KCNJ3: variants seen among roughly 807,000 people sequenced by gnomAD.
KCNJ3 encodes potassium inwardly rectifying channel subfamily J member 3, also known as G protein-activated inward rectifier potassium channel 1.
A neutral mutation model predicts 39.2 loss-of-function variants in KCNJ3; 4 were observed. The ratio of observed to expected loss-of-function variants is 0.10; its 90% CI spans 0.05 to 0.23. The LOEUF is 0.23. KCNJ3 is among the 10% of genes least tolerant of loss of function. The probability of loss-of-function intolerance (pLI) is 1.00; values close to 1 mark genes in which losing one functional copy is unlikely to be tolerated. For synonymous variants in KCNJ3, 230 were observed against 237.4 expected (o/e 0.97, Z 0.29); for missense variants, 276 against 634.9 (o/e 0.43, Z 6.08).
At chr2:154,793,612 T>G (rs2591155) in intron 2 of KCNJ3, among the ~76,000 whole-genome samples, 21,955 of 152,072 alleles carry the variant, frequency 0.14, 1,759 homozygotes, top group East Asian at 0.33. Flanking sequence ...AAGTGTTGTC[T>G]AAAGCTGTAT....
intron 2 of KCNJ3, among the ~76,000 whole-genome samples, chr2:154,804,161 C>T (rs559520480): frequency 3.2e-4 from 48 of 152,054 alleles, no homozygotes; most frequent in African/African-American, 9.9e-4. Flanking sequence ...TCTGTTTCAA[C>T]GAGTAGTCTT....
chr2:154,709,670 C>T lies in KCNJ3; in HGVS notation c.770C>T (p.Thr257Ile), dbSNP rs1415310861. The change falls in exon 2 of 3, where the codon ACA (threonine) becomes ATA (isoleucine). Residue 257 changes from threonine (T) to isoleucine (I), a missense_variant. Transcript: ENST00000295101. Reference sequence around the variant, plus strand: ...CTTGAACTGGATGTAGGTTTTAGTACAGGGGCAGATCAACTTTTTCTTGTG... The same window carrying T: ...CTTGAACTGGATGTAGGTTTTAGTATAGGGGCAGATCAACTTTTTCTTGTG... ...DQLELDVGFS[T>I]GADQLFLVSP... 6.2e-7 allele frequency: 1 copy of T among 1,613,762 alleles called. No individual in the cohort carries two copies. Among genetic ancestry groups the T allele is most frequent in the Non-Finnish European group, 8.5e-7 (1 of 1,179,884 alleles).
chr2:154,773,666 C>G (rs1686282255), intron 2 of KCNJ3, among the ~76,000 whole-genome samples: 1 of 152,028 alleles, frequency 6.6e-6, no homozygotes, highest in Non-Finnish European at 1.5e-5. Context: ...TTTTAATGCT[C>G]TTTTAATAAT....
chr2:154,764,132 T>G (rs2105190960), intron 2 of KCNJ3, among the ~76,000 whole-genome samples: 1 of 152,354 alleles, frequency 6.6e-6, no homozygotes, highest in African/African-American at 2.4e-5. Flanking sequence ...ATTGAATTTC[T>G]TAAGCACGAA....
chr2:154,848,191 T>C (rs1354583265), intron 2 of KCNJ3, among the ~76,000 whole-genome samples: 1 of 152,148 alleles, frequency 6.6e-6, no homozygotes, highest in Non-Finnish European at 1.5e-5. Flanking sequence ...AAGGAAGTCA[T>C]TAGATAGTAA....
chr2:154,717,406 A>G lies in KCNJ3; in HGVS notation c.919+7587A>G, dbSNP rs544633364. Reference sequence around the variant, plus strand: ...AGATGCCTCTGGCTCCAGGTGGAGGATGTGCGGCTGAGACTGGAGACAGCC... The same window carrying G: ...AGATGCCTCTGGCTCCAGGTGGAGGGTGTGCGGCTGAGACTGGAGACAGCC... On this transcript the variant is annotated intron_variant, in intron 2 of 2. Transcript: ENST00000295101. Among the ~76,000 whole-genome samples, 421 of 152,274 alleles carry G rather than the reference A, an allele frequency of 2.8e-3. 3 individuals are homozygous for G. The highest frequency in any genetic ancestry group is 9.7e-3 in the African/African-American group (401 of 41,544).
intron 2 of KCNJ3, among the ~76,000 whole-genome samples, chr2:154,797,875 A>T (rs1476630370): frequency 1.3e-5 from 2 of 152,180 alleles, no homozygotes; most frequent in Non-Finnish European, 2.9e-5. Context: ...TGCTCTCAAC[A>T]GATTTTTAAG....
At position 154,856,307 on chromosome 2, in the gene KCNJ3, GAA is replaced by G. The variant is rs1687838567; in HGVS notation, c.*995_*996del. 1 of 152,500 alleles carries G rather than the reference GAA, an allele frequency of 6.6e-6. No homozygotes were observed. Among genetic ancestry groups the G allele is most frequent in the South Asian group, 2.1e-4 (1 of 4,834 alleles). 9.4% of individuals were successfully genotyped at this position (152,500 alleles called of 1,614,324 possible). ...ATATTGAATATATCAGAATCTGTGT[GAA>G]GTTACACAATTAATTGTCCCTGTTT... On this transcript the variant is annotated 3_prime_UTR_variant, in exon 3 of 3. Coordinates refer to ENST00000295101, the MANE Select transcript of KCNJ3 (RefSeq NM_002239.4).
rs1276663522 is a variant in KCNJ3, at chr2:154,699,144, C to T, written c.369C>T (p.Cys123=). 4 of 1,614,240 alleles carry T rather than the reference C, an allele frequency of 2.5e-6. No individual in the cohort carries two copies. Among genetic ancestry groups the T allele is most frequent in the South Asian group, 2.2e-5 (2 of 91,090 alleles). ...NKAHVGNYTP[C]VANVYNFPSA... is the part of the protein sequence containing the mutation. ...CCCACGTCGGTAACTACACGCCTTG[C>T]GTGGCCAATGTCTATAACTTCCCTT... Residue 123 remains cysteine, a synonymous_variant, in exon 1 of 3, where the codon TGC becomes TGT. Coordinates refer to ENST00000295101, the MANE Select transcript of KCNJ3 (RefSeq NM_002239.4). This position sits in a 1 kb window ranked among gnomAD's most constrained non-coding sequence, Gnocchi z 6.4.
At chr2:154,715,171 C>T (rs1685160569) in intron 2 of KCNJ3, among the ~76,000 whole-genome samples, 1 of 152,212 alleles carries the variant, frequency 6.6e-6, no homozygotes, top group African/African-American at 2.4e-5. Context: ...CATCACGGTA[C>T]TTCTAAATCA....
At chr2:154,751,175 A>C (rs1363804902) in intron 2 of KCNJ3, among the ~76,000 whole-genome samples, 4 of 151,994 alleles carry the variant, frequency 2.6e-5, no homozygotes, top group Admixed American at 2.6e-4. Context: ...CATAAGGTAG[A>C]TGAATTTATT....
At chr2:154,708,188 A>T (rs1685045673) in intron 1 of KCNJ3, among the ~76,000 whole-genome samples, 1 of 152,146 alleles carries the variant, frequency 6.6e-6, no homozygotes, top group Non-Finnish European at 1.5e-5. Context: ...TTGTCTACAC[A>T]AATAATATCC....
intron 2 of KCNJ3, among the ~76,000 whole-genome samples, chr2:154,719,975 A>T (rs962554386): frequency 7.9e-5 from 12 of 152,084 alleles, no homozygotes; most frequent in African/African-American, 2.9e-4. Context: ...AAGAACTAAG[A>T]TTATTTGACC....
At chr2:154,779,904 C>A (rs1686404897) in intron 2 of KCNJ3, among the ~76,000 whole-genome samples, 1 of 152,006 alleles carries the variant, frequency 6.6e-6, no homozygotes. Context: ...ATTTTATTTT[C>A]TATGGCTTCA....
chr2:154,822,478 T>C (rs1450849886), intron 2 of KCNJ3, among the ~76,000 whole-genome samples: 1 of 152,188 alleles, frequency 6.6e-6, no homozygotes, highest in Admixed American at 6.5e-5. Flanking sequence ...TAAAAATCTA[T>C]CCATTCATTT....
intron 2 of KCNJ3, among the ~76,000 whole-genome samples, chr2:154,726,796 T>TACACAC (rs58366846): frequency 0.031 from 3,592 of 115,354 alleles, 75 homozygotes; most frequent in East Asian, 0.049. Context: ...TTTATATACA[T>TACACAC]ACACACACAC....
At chr2:154,773,246 T>A (rs189683798) in intron 2 of KCNJ3, among the ~76,000 whole-genome samples, 1 of 152,304 alleles carries the variant, frequency 6.6e-6, no homozygotes, top group East Asian at 1.9e-4. Flanking sequence ...ACTTACTATA[T>A]TTCCCTACAC....
At chr2:154,771,120 A>C (rs1203993134) in intron 2 of KCNJ3, among the ~76,000 whole-genome samples, 1 of 151,828 alleles carries the variant, frequency 6.6e-6, no homozygotes, top group African/African-American at 2.4e-5. Context: ...CAAACTCCTG[A>C]CCTCAAGTGA....
intron 2 of KCNJ3, among the ~76,000 whole-genome samples, chr2:154,745,786 A>G (rs1685729903): frequency 2.0e-5 from 3 of 151,990 alleles, no homozygotes; most frequent in Admixed American, 1.3e-4. Flanking sequence ...TCTTATCTAA[A>G]TTTTCTGGTT....
Sources: allele counts gnomAD v4.1 joint callset (sites outside exome capture counted in the v4.1 genomes callset), GRCh38; gene constraint gnomAD v4.1.1; non-coding constraint Gnocchi (gnomAD v3.1); transcripts MANE v1.5; gene names NCBI Gene and HGNC (gene_info 2026-07-23, HGNC 2026-07-21).